Variants in MAP1S observed in about 807,000 individuals in gnomAD.
The protein encoded by MAP1S is microtubule-associated protein 1S.
A neutral mutation model predicts 60.9 loss-of-function variants in MAP1S; 27 were observed. The ratio of observed to expected loss-of-function variants is 0.44; its 90% confidence interval spans 0.33 to 0.61. MAP1S has a LOEUF of 0.61. MAP1S is among the 20% of genes least tolerant of loss of function. The probability of loss-of-function intolerance (pLI) is 0.03; values close to 1 mark genes in which losing one functional copy is unlikely to be tolerated. For synonymous variants in MAP1S, 826 were observed against 694.2 expected (o/e 1.19, Z -2.98); for missense variants, 1,608 against 1,486.6 (o/e 1.08, Z -1.34).
chr19:17,730,179 G>A (rs947389885), intron 5 of MAP1S, among the ~76,000 whole-genome samples: 1 of 152,192 alleles, frequency 6.6e-6, no homozygotes, highest in Non-Finnish European at 1.5e-5. Flanking sequence ...AGTCTAATGG[G>A]TGTGAGGTGG....
At position 17,725,768 on chromosome 19, in the gene MAP1S, TC is replaced by T; in HGVS notation, c.445-58del. On this transcript the variant is annotated intron_variant, in intron 4 of 6. Coordinates refer to ENST00000324096, the MANE Select transcript of MAP1S (RefSeq NM_018174.6). This position sits in a 1 kb window ranked among gnomAD's most constrained non-coding sequence, Gnocchi z 4.2. Reference sequence around the variant, plus strand: ...GGATGAGGGTGTCCTCGCCCAGTTTTCCCACCGGGCTAGGTGTTGCCTGGCT... The same window carrying T: ...GGATGAGGGTGTCCTCGCCCAGTTTTCCACCGGGCTAGGTGTTGCCTGGCT... 1.3e-6 allele frequency: 2 copies of T among 1,510,470 alleles called. No individual in the cohort carries two copies. Among genetic ancestry groups the T allele is most frequent in the Admixed American group, 4.1e-5 (2 of 49,344 alleles). 93.6% of individuals were successfully genotyped at this position (1,510,470 alleles called of 1,614,324 possible).
intron 2 of MAP1S, among the ~76,000 whole-genome samples, chr19:17,723,847 T>G (rs2080392912): frequency 6.6e-6 from 1 of 152,068 alleles, no homozygotes; most frequent in Non-Finnish European, 1.5e-5. Flanking sequence ...AGAGCGAGAC[T>G]CCGTCTCACA....
At chr19:17,730,942 G>T (rs1440904808) in intron 5 of MAP1S, among the ~76,000 whole-genome samples, 2 of 147,734 alleles carry the variant, frequency 1.4e-5, no homozygotes, top group Admixed American at 6.9e-5. Context: ...CCAGGCTGCA[G>T]CATGGGAGCA....
At position 17,725,288 on chromosome 19, in the gene MAP1S, C is replaced by G; in HGVS notation, c.444+99C>G. ...CCAGCGACCTGCTGTTTTCCATGGCCTGGTCTCCCCATCCTCTGTAGGATG... is the reference window on the plus strand; with the variant it reads ...CCAGCGACCTGCTGTTTTCCATGGCGTGGTCTCCCCATCCTCTGTAGGATG... On this transcript the variant is annotated intron_variant, in intron 4 of 6. Transcript: ENST00000324096. This position sits in a 1 kb window ranked among gnomAD's most constrained non-coding sequence, Gnocchi z 4.2. The G allele has an allele frequency of 7.0e-7, 1 of 1,420,922 alleles. No homozygotes were observed. The highest frequency in any genetic ancestry group is 9.5e-7 in the Non-Finnish European group (1 of 1,049,822). The allele number at this position is 1,420,922 out of a possible 1,614,324, so 88.0% of individuals were successfully genotyped here.
chr19:17,730,730 A>G (rs936659831), intron 5 of MAP1S, among the ~76,000 whole-genome samples: 1 of 152,138 alleles, frequency 6.6e-6, no homozygotes, highest in African/African-American at 2.4e-5. Context: ...ATTTCCTCCC[A>G]TTCTGTGAGC....
At chr19:17,720,382 C>A in intron 1 of MAP1S, 1 of 1,534,570 alleles carries the variant, frequency 6.5e-7, no homozygotes, top group Non-Finnish European at 8.7e-7. Flanking sequence ...GGGCAGTGGA[C>A]ACAGGGATAT....
chr19:17,734,342 C>G lies in MAP1S; in HGVS notation c.3094C>G (p.Gln1032Glu). ...TWYAETHARH[Q>E]ALGITVLGSN... ...GTACGCAGAGACGCACGCCCGGCAC[C>G]AGGCGCTGGGCATCACGGTGTTGGG... The change falls in exon 7 of 7, where the codon CAG becomes GAG. Residue 1032 changes from glutamine to glutamate, a missense_variant. Gln to Glu is a conservative substitution (Grantham distance 29). Transcript: ENST00000324096. 1 of 1,613,942 alleles carries G rather than the reference C, an allele frequency of 6.2e-7. No individual in the cohort carries two copies. The highest frequency in any genetic ancestry group is 8.5e-7 in the Non-Finnish European group (1 of 1,179,972).
At chr19:17,733,118 C>A (rs992339725) in intron 5 of MAP1S, 75 bp from the exon 6 acceptor site, 74 of 975,592 alleles carry the variant, frequency 7.6e-5, no homozygotes, top group Middle Eastern at 3.3e-4. Context: ...CTGAGTGGTG[C>A]AGGTCGAACT....
rs948979492 is a variant in MAP1S, at chr19:17,719,519, G to T, written c.17G>T (p.Gly6Val). ...GGCCCGAAGATGGCGGCGGTGGCTG[G>T]ATCTGGGGCTGCCGCGGCTCCGAGC... MAAVA[G>V]SGAAAAPSSL... Residue 6 changes from glycine to valine, a missense_variant, in exon 1 of 7, where the codon GGA becomes GTA. Around this residue, in one of 4 missense-constraint regions of MAP1S, gnomAD observed 45 missense variants for 22.0 expected, o/e 2.04. Transcript: ENST00000324096. 8.0e-6 allele frequency: 10 copies of T among 1,245,840 alleles called. No homozygotes were observed. Among genetic ancestry groups the T allele is most frequent in the Non-Finnish European group, 7.1e-6 (7 of 987,684 alleles). 77.2% of individuals were successfully genotyped at this position (1,245,840 alleles called of 1,614,324 possible).
rs141724422 is a variant in MAP1S at position 17,725,018 on chromosome 19, C to A, written c.304-31C>A. On this transcript the variant is annotated intron_variant, in intron 3 of 6. Transcript: ENST00000324096. This position sits in a 1 kb window ranked among gnomAD's most constrained non-coding sequence, Gnocchi z 4.2. ...CTGCTGGATACGTCACTGCACAGAA[C>A]GGGTCCTTTAGTGTTCACCCCCTCC... is the stretch of plus-strand genomic sequence containing the variant. 1.2e-6 allele frequency: 2 copies of A among 1,613,906 alleles called. No homozygotes were observed. Among genetic ancestry groups the A allele is most frequent in the Non-Finnish European group, 1.7e-6 (2 of 1,179,972 alleles).
In MAP1S at chr19:17,726,983, C is replaced by T; in HGVS notation, c.1599C>T (p.Val533=). The change falls in exon 5 of 7, where the codon GTC becomes GTT. Residue 533 remains valine, a synonymous_variant. Transcript: ENST00000324096. ...RELKKDPKPS[V]SRTQPREVRR... ...TGAAGAAAGACCCCAAACCGAGTGT[C>T]TCCCGGACCCAGCCGCGGGAGGTGC... 1 of 1,577,698 alleles carries T rather than the reference C, an allele frequency of 6.3e-7. No individual in the cohort carries two copies. The highest frequency in any genetic ancestry group is 8.6e-7 in the Non-Finnish European group (1 of 1,162,484).
chr19:17,719,692 G>A, intron 1 of MAP1S, 72 bp downstream of exon 1: 1 of 787,660 alleles, frequency 1.3e-6, no homozygotes, highest in Non-Finnish European at 1.6e-6. Flanking sequence ...CGGGGCCGGC[G>A]GGGTGGGGCG....
At chr19:17,728,722 A>G (rs2080466483) in intron 5 of MAP1S, 1 of 152,012 alleles carries the variant, frequency 6.6e-6, no homozygotes, top group Non-Finnish European at 1.5e-5. Context: ...CGCCTGGCTA[A>G]TTTTTGTATT....
intron 1 of MAP1S, chr19:17,720,351 C>A: frequency 6.6e-7 from 1 of 1,524,974 alleles, no homozygotes; most frequent in Non-Finnish European, 8.8e-7. Context: ...TTAGTGAGCA[C>A]CTGCTATGCG....
Position 17,727,163 on chromosome 19 carries a change from C to CCCCAGTGCAGCCTGCGGCTCTCCGGCCT in MAP1S, c.1785_1812dup (p.Leu605CysfsTer47). ...GCCTCCGATGTGGAGAAGCCAGCCC[C>CCCCAGTGCAGCCTGCGGCTCTCCGGCCT]CCCAGTGCAGCCTGCGGCTCTCCGG... On this transcript the variant is annotated frameshift_variant, in exon 5 of 7. Transcript: ENST00000324096. LOFTEE classifies it high-confidence loss of function. The surrounding 1 kb of genome is among the most constrained non-coding windows in gnomAD (Gnocchi z 4.1). The CCCCAGTGCAGCCTGCGGCTCTCCGGCCT allele has an allele frequency of 1.3e-6, 2 of 1,588,104 alleles. No individual in the cohort carries two copies. Among genetic ancestry groups the CCCCAGTGCAGCCTGCGGCTCTCCGGCCT allele is most frequent in the Non-Finnish European group, 1.7e-6 (2 of 1,170,458 alleles).
chr19:17,719,527 G>T lies in MAP1S; in HGVS notation c.25G>T (p.Ala9Ser). MAAVAGSG[A>S]AAAPSSLLLV... ...GATGGCGGCGGTGGCTGGATCTGGG[G>T]CTGCCGCGGCTCCGAGCTCACTGCT... The change falls in exon 1 of 7, where the codon GCT becomes TCT. Residue 9 changes from alanine to serine, a missense_variant. By Grantham distance (99) the Ala-to-Ser change is moderately conservative. Transcript: ENST00000324096. The T allele has an allele frequency of 8.0e-7, 1 of 1,246,018 alleles. No individual in the cohort carries two copies. The highest frequency in any genetic ancestry group is 1.0e-6 in the Non-Finnish European group (1 of 987,692). 77.2% of individuals were successfully genotyped at this position (1,246,018 alleles called of 1,614,324 possible). A position where few individuals can be genotyped will look rare whatever the true frequency, so the allele number is the denominator to read the frequency against.
chr19:17,721,077 T>G (rs2080366896), intron 2 of MAP1S, 40 bp downstream of exon 2: 1 of 1,544,032 alleles, frequency 6.5e-7, no homozygotes, highest in Non-Finnish European at 9.0e-7. Context: ...TACCTCTTGT[T>G]ATTTGGGGAA....
rs199499048 is a variant in MAP1S, at chr19:17,727,165, C to T, written c.1781C>T (p.Pro594Leu). 3.8e-6 allele frequency: 6 copies of T among 1,587,218 alleles called. No homozygotes were observed. In the African/African-American group the frequency reaches 5.4e-5, roughly 14 times the overall value. The change falls in exon 5 of 7, where the codon CCC (proline) becomes CTC (leucine). Residue 594 changes from proline to leucine, a missense_variant. Around this residue, in one of 4 missense-constraint regions of MAP1S, gnomAD observed 1,167 missense variants for 961.4 expected, o/e 1.21. Transcript: ENST00000324096. This position sits in a 1 kb window ranked among gnomAD's most constrained non-coding sequence, Gnocchi z 4.1. ...PSLRCGEASP[P>L]SAACGSPASQ... ...CTCCGATGTGGAGAAGCCAGCCCCC[C>T]CAGTGCAGCCTGCGGCTCTCCGGCC...
intron 2 of MAP1S, among the ~76,000 whole-genome samples, chr19:17,722,728 A>C (rs1342746001): frequency 7.3e-6 from 1 of 136,578 alleles, no homozygotes; most frequent in Non-Finnish European, 1.6e-5. Flanking sequence ...CAGCCTGGGC[A>C]ATAGAGGGAG....
Sources: allele counts gnomAD v4.1 joint callset (sites outside exome capture counted in the v4.1 genomes callset), GRCh38; gene constraint gnomAD v4.1.1; regional missense constraint gnomAD v4.1.1; non-coding constraint Gnocchi (gnomAD v3.1); transcripts MANE v1.5; gene names NCBI Gene and HGNC (gene_info 2026-07-23, HGNC 2026-07-21).